Variants in TJP1 observed in about 807,000 individuals in gnomAD.
TJP1 encodes tight junction protein 1, also known as tight junction protein ZO-1.
A neutral mutation model predicts 194.2 loss-of-function variants in TJP1; 43 were observed. The ratio of observed to expected loss-of-function variants is 0.22; its 90% CI spans 0.17 to 0.29. TJP1 has a LOEUF of 0.29. Among genes scored for constraint, TJP1 ranks in the 10% least tolerant of loss-of-function variants. The pLI is 1.00. For synonymous variants in TJP1, 801 were observed against 779.0 expected, an observed-to-expected ratio of 1.03 and a Z score of -0.47; for missense variants, 1,971 against 2,185.7, an observed-to-expected ratio of 0.90 and a Z score of 1.96.
chr15:29,730,036 A>G (rs984244263), intron 15 of TJP1, among the ~76,000 whole-genome samples: 17 of 152,314 alleles, frequency 1.1e-4, no homozygotes, highest in African/African-American at 4.1e-4. Flanking sequence ...ATAAATTCGA[A>G]ACAAACGATA....
intron 2 of TJP1, among the ~76,000 whole-genome samples, chr15:29,831,248 GA>G (rs1442436381): frequency 2.0e-5 from 3 of 152,128 alleles, no homozygotes. Context: ...AATCTGGAAG[GA>G]ATTATAGAAA....
chr15:29,958,648 C>T (rs2056038778), intron 1 of TJP1, among the ~76,000 whole-genome samples: 1 of 152,128 alleles, frequency 6.6e-6, no homozygotes, highest in African/African-American at 2.4e-5. Context: ...ATGTATCCAT[C>T]ACACACGTAT....
intron 8 of TJP1, among the ~76,000 whole-genome samples, chr15:29,748,369 G>C (rs1294005812): frequency 6.6e-6 from 1 of 152,134 alleles, no homozygotes; most frequent in East Asian, 1.9e-4. Context: ...GGACTATGCA[G>C]ATCTAGAGTT....
chr15:29,750,348 A>T (rs891286112), intron 8 of TJP1, among the ~76,000 whole-genome samples: 2 of 152,038 alleles, frequency 1.3e-5, no homozygotes, highest in African/African-American at 4.8e-5. Flanking sequence ...CGTGTTGCCC[A>T]GGCTGGTCTT....
chr15:29,923,637 G>A (rs1055055583), intron 2 of TJP1, among the ~76,000 whole-genome samples: 1 of 152,184 alleles, frequency 6.6e-6, no homozygotes, highest in South Asian at 2.1e-4. Flanking sequence ...ATTAGTGGTT[G>A]CAGACTTGGG....
rs1381605503 is a variant in TJP1 at position 29,705,706 on chromosome 15, A to G, written c.4890T>C (p.His1630=). The G allele has an allele frequency of 2.5e-6, 4 of 1,614,040 alleles. No homozygotes were observed. The highest frequency in any genetic ancestry group is 2.5e-6 in the Non-Finnish European group (3 of 1,180,034). ...TGCCTCGGGCTGTGGCCACCACAGTATGACCATCTTCATCTTCATCCTCTT... is the reference window on the plus strand; with the variant it reads ...TGCCTCGGGCTGTGGCCACCACAGTGTGACCATCTTCATCTTCATCCTCTT... ...AVEEDEDEDG[H]TVVATARGIF... Residue 1630 remains histidine (H), a synonymous_variant, in exon 26 of 28, where the codon CAT becomes CAC. Coordinates refer to ENST00000614355, the MANE Select transcript of TJP1 (RefSeq NM_001330239.4).
intron 2 of TJP1, among the ~76,000 whole-genome samples, chr15:29,951,035 G>C (rs2055730867): frequency 6.6e-6 from 1 of 152,202 alleles, no homozygotes; most frequent in African/African-American, 2.4e-5. Context: ...TGTTAAATAA[G>C]TTAAATTGAT....
At chr15:29,805,510 T>C (rs1367289557) in intron 1 of TJP1, among the ~76,000 whole-genome samples, 1 of 152,194 alleles carries the variant, frequency 6.6e-6, no homozygotes, top group African/African-American at 2.4e-5. Context: ...ATGGCTGTAA[T>C]TTCAAAACCA....
chr15:29,781,799 T>C (rs1227649034), intron 2 of TJP1, among the ~76,000 whole-genome samples: 1 of 152,176 alleles, frequency 6.6e-6, no homozygotes, highest in Non-Finnish European at 1.5e-5. Context: ...AAACTAGGCA[T>C]TGAAATTGAA....
At chr15:29,825,479 G>A (rs187803221), upstream of TJP1, among the ~76,000 whole-genome samples, 23 of 152,180 alleles carry the variant, frequency 1.5e-4, no homozygotes, top group East Asian at 7.7e-4. Context: ...TGGTGTCTGC[G>A]GCTCAGAATG....
intron 2 of TJP1, among the ~76,000 whole-genome samples, chr15:29,955,294 T>C (rs980612683): frequency 2.0e-5 from 3 of 152,156 alleles, no homozygotes; most frequent in Non-Finnish European, 4.4e-5. Flanking sequence ...TAAACATTCA[T>C]TAATTTGCCA....
intron 2 of TJP1, among the ~76,000 whole-genome samples, chr15:29,876,167 T>C (rs577047410): frequency 1.7e-4 from 26 of 152,320 alleles, no homozygotes; most frequent in Admixed American, 7.2e-4. Flanking sequence ...CTGCCCCACA[T>C]GTGGCCCAGG....
intron 2 of TJP1, among the ~76,000 whole-genome samples, chr15:29,884,172 A>C (rs2053034600): frequency 6.6e-6 from 1 of 152,238 alleles, no homozygotes; most frequent in Non-Finnish European, 1.5e-5. Context: ...ACAATAGAAA[A>C]AATAAATGAA....
chr15:29,708,126 G>A (rs921458979), intron 25 of TJP1, among the ~76,000 whole-genome samples: 2 of 151,788 alleles, frequency 1.3e-5, no homozygotes, highest in African/African-American at 4.8e-5. Flanking sequence ...AACCCAGGGG[G>A]TGGAGGTTGC....
chr15:29,880,526 TCAG>T (rs1303145063), intron 2 of TJP1, among the ~76,000 whole-genome samples: 1 of 152,196 alleles, frequency 6.6e-6, no homozygotes, highest in Non-Finnish European at 1.5e-5. Flanking sequence ...ACTACATTGT[TCAG>T]CAGTTCTCTA....
chr15:29,822,200 A>G lies in TJP1; in HGVS notation c.-172T>C. The stretch of plus-strand genomic sequence containing the variant: ...GGGGAGGGAATTCAACTCGGACAAA[A>G]GTCCGGGAAGCGCCCGCCCCGCCCG... On this transcript the variant is annotated 5_prime_UTR_variant, in exon 1 of 28. Coordinates refer to ENST00000614355, the MANE Select transcript of TJP1 (RefSeq NM_001330239.4). The G allele has an allele frequency of 8.5e-7, 1 of 1,175,786 alleles. No individual in the cohort carries two copies. Among genetic ancestry groups the G allele is most frequent in the Non-Finnish European group, 1.1e-6 (1 of 951,962 alleles). 72.8% of individuals were successfully genotyped at this position (1,175,786 alleles called of 1,614,324 possible). A position where few individuals can be genotyped will look rare whatever the true frequency, so the allele number is the denominator to read the frequency against.
At chr15:29,778,869 G>C (rs948397562) in intron 2 of TJP1, among the ~76,000 whole-genome samples, 3 of 152,088 alleles carry the variant, frequency 2.0e-5, no homozygotes, top group African/African-American at 7.2e-5. Flanking sequence ...TACATGTGCT[G>C]GGGCACATGT....
intron 2 of TJP1, among the ~76,000 whole-genome samples, chr15:29,938,546 G>A (rs936458211): frequency 6.6e-6 from 1 of 152,144 alleles, no homozygotes; most frequent in African/African-American, 2.4e-5. Context: ...CTGACAGCAC[G>A]GAAGTCCTTA....
intron 1 of TJP1, among the ~76,000 whole-genome samples, chr15:29,816,372 G>C (rs953127880): frequency 3.3e-5 from 5 of 151,960 alleles, no homozygotes; most frequent in African/African-American, 9.7e-5. Flanking sequence ...TATATAACCT[G>C]GGGGGGAAGA....
Sources: allele counts gnomAD v4.1 joint callset (sites outside exome capture counted in the v4.1 genomes callset), GRCh38; gene constraint gnomAD v4.1.1; transcripts MANE v1.5; gene names NCBI Gene and HGNC (gene_info 2026-07-23, HGNC 2026-07-21).